The following SCN3B variants were observed in gnomAD, a reference collection of about 807,000 sequenced individuals.
SCN3B encodes the protein sodium voltage-gated channel beta subunit 3.
In SCN3B, 11 loss-of-function variants were observed where a neutral mutation model predicts 25.4. That is an observed-to-expected ratio of 0.43 (90% CI 0.27 to 0.72). The LOEUF (loss-of-function observed/expected upper bound fraction) is 0.72, where lower values mean the gene tolerates loss of function less well. Ranked by LOEUF, SCN3B falls within the 30% of genes least tolerant of loss-of-function variation. The pLI is 0.18. For missense variants in SCN3B, 218 were observed against 278.3 expected, an observed-to-expected ratio of 0.78 and a Z score of 1.54; for synonymous variants, 109 against 110.7, an observed-to-expected ratio of 0.99 and a Z score of 0.09.
At chr11:123,648,187 A>G (rs896429633) in intron 2 of SCN3B, among the ~76,000 whole-genome samples, 7 of 152,206 alleles carry the variant, frequency 4.6e-5, no homozygotes, top group Admixed American at 4.6e-4. Context: ...CATGTTGACA[A>G]ACTCAGAAGT....
Position 123,642,689 on chromosome 11 carries a change from GA to G in SCN3B, c.220-19del. On this transcript the variant is annotated intron_variant, in intron 3 of 6. Coordinates refer to ENST00000299333, the MANE Select transcript of SCN3B (RefSeq NM_001040151.2). This position sits in a 1 kb window ranked among gnomAD's most constrained non-coding sequence, Gnocchi z 4.3. Reference sequence around the variant, plus strand: ...TCGTAAATCTGCAGATAGAGGAGCAGAAGAGGGTAGGGCCAGGAAAGGAGAT... The same window carrying G: ...TCGTAAATCTGCAGATAGAGGAGCAGAGAGGGTAGGGCCAGGAAAGGAGAT... The G allele has an allele frequency of 6.2e-7, 1 of 1,600,536 alleles. No homozygotes were observed. Among genetic ancestry groups the G allele is most frequent in the Non-Finnish European group, 8.6e-7 (1 of 1,168,578 alleles).
At chr11:123,652,930 C>T (rs3851097) in intron 2 of SCN3B, among the ~76,000 whole-genome samples, 24,464 of 152,168 alleles carry the variant, frequency 0.16, 2,045 homozygotes, top group Admixed American at 0.22. Context: ...ATAGATCAAT[C>T]CCCTTTACAC....
At chr11:123,647,191 C>T (rs996522762) in intron 2 of SCN3B, among the ~76,000 whole-genome samples, 3 of 152,030 alleles carry the variant, frequency 2.0e-5, no homozygotes, top group Non-Finnish European at 4.4e-5. Flanking sequence ...GAAAGTAAGA[C>T]GAGGCCAGGT....
Position 123,638,205 on chromosome 11 carries a change from C to T in SCN3B, c.565G>A (p.Glu189Lys). The change falls in exon 5 of 7, where the codon GAG becomes AAG. Residue 189 changes from glutamate (E) to lysine (K), a missense_variant. Coordinates refer to ENST00000299333, the MANE Select transcript of SCN3B (RefSeq NM_001040151.2). ...ACTTACGCGTTTTCTTGGGCTGCCT[C>T]TTCGGCTTTTGAGACCTTTCTGTAG... ...YCYRKVSKAEEAAQENASDYL... is the reference protein window; with the variant it reads ...YCYRKVSKAEKAAQENASDYL... 6.2e-7 allele frequency: 1 copy of T among 1,614,136 alleles called. No homozygotes were observed. The highest frequency in any genetic ancestry group is 1.6e-4 in the Middle Eastern group (1 of 6,062).
At chr11:123,637,100 T>C (rs758473239) in intron 5 of SCN3B, among the ~76,000 whole-genome samples, 2 of 152,214 alleles carry the variant, frequency 1.3e-5, no homozygotes, top group Non-Finnish European at 2.9e-5. Context: ...TATCTTTCCT[T>C]TCCCCAGACA....
At chr11:123,636,923 A>G (rs1452171183) in intron 5 of SCN3B, among the ~76,000 whole-genome samples, 1 of 152,038 alleles carries the variant, frequency 6.6e-6, no homozygotes, top group African/African-American at 2.4e-5. Flanking sequence ...CGATCTCCTG[A>G]CCTCATGATC....
chr11:123,630,626 T>C lies in SCN3B; in HGVS notation c.*3173A>G, dbSNP rs1225807195. On this transcript the variant is annotated 3_prime_UTR_variant, in exon 7 of 7. Transcript: ENST00000299333. ...GTAGGCTGGTGATCACAGTACCTTA[T>C]TGATTTACAGTCATTATCAAATCTC... The C allele has an allele frequency of 6.6e-6, 1 of 152,494 alleles. No homozygotes were observed. The highest frequency in any genetic ancestry group is 2.4e-5 in the African/African-American group (1 of 41,444). The allele number at this position is 152,494 out of a possible 1,614,324, so 9.4% of individuals were successfully genotyped here. A position where few individuals can be genotyped will look rare whatever the true frequency, so the allele number is the denominator to read the frequency against.
intron 5 of SCN3B, among the ~76,000 whole-genome samples, chr11:123,635,611 G>C (rs998592519): frequency 2.6e-5 from 4 of 151,956 alleles, no homozygotes; most frequent in African/African-American, 9.7e-5. Context: ...GCGTGAACCT[G>C]GGAGGCAGAG....
intron 3 of SCN3B, among the ~76,000 whole-genome samples, chr11:123,644,800 A>AGAGAGAGAGAGAGAATATAT (rs1272015067): frequency 2.2e-5 from 1 of 45,582 alleles, no homozygotes; most frequent in African/African-American, 7.8e-5. Context: ...AGAGAGAGAG[A>AGAGAGAGAGAGAGAATATAT]ATATATATAT....
chr11:123,631,384 C>T lies in SCN3B; in HGVS notation c.*2415G>A, dbSNP rs1361224425. 1 of 152,166 alleles carries T rather than the reference C, an allele frequency of 6.6e-6. No homozygotes were observed. Among genetic ancestry groups the T allele is most frequent in the Non-Finnish European group, 1.5e-5 (1 of 68,034 alleles). 9.4% of individuals were successfully genotyped at this position (152,166 alleles called of 1,614,324 possible). A position where few individuals can be genotyped will look rare whatever the true frequency, so the allele number is the denominator to read the frequency against. On this transcript the variant is annotated 3_prime_UTR_variant, in exon 7 of 7. Transcript: ENST00000299333. ...GCTATGGGACTGGAAAAATTTCACACTGAGGCCAATTTTTCTAACTATAAA... is the reference window on the plus strand; with the variant it reads ...GCTATGGGACTGGAAAAATTTCACATTGAGGCCAATTTTTCTAACTATAAA...
chr11:123,638,085 G>A lies in SCN3B; in HGVS notation c.584+101C>T. On this transcript the variant is annotated intron_variant, in intron 5 of 6. Transcript: ENST00000299333. ...CTATCTCTTAAGCAGTGATCATGAA[G>A]AGGGTGGAGGATGAATGTAAACTGC... 3.0e-6 allele frequency: 4 copies of A among 1,347,828 alleles called. No homozygotes were observed. The South Asian group carries it at 3.7e-5, about 12-fold the overall frequency. 83.5% of individuals were successfully genotyped at this position (1,347,828 alleles called of 1,614,324 possible). A position where few individuals can be genotyped will look rare whatever the true frequency, so the allele number is the denominator to read the frequency against.
At chr11:123,643,055 G>C (rs566542196) in intron 3 of SCN3B, among the ~76,000 whole-genome samples, 2 of 152,324 alleles carry the variant, frequency 1.3e-5, no homozygotes, top group South Asian at 4.1e-4. Context: ...ATTGTAAAAA[G>C]ATAGAGAGAA....
At chr11:123,653,399 T>C (rs942508538) in intron 2 of SCN3B, among the ~76,000 whole-genome samples, 3 of 151,700 alleles carry the variant, frequency 2.0e-5, no homozygotes, top group African/African-American at 7.3e-5. Context: ...GACTCCTTGA[T>C]GAGAAATAAA....
intron 3 of SCN3B, among the ~76,000 whole-genome samples, chr11:123,644,011 C>A (rs1366788921): frequency 1.3e-5 from 2 of 152,228 alleles, no homozygotes; most frequent in South Asian, 2.1e-4. Context: ...GCAAGCTAAA[C>A]CCAGTTTCGC....
rs1382267873 is a variant in SCN3B at position 123,633,293 on chromosome 11, G to A, written c.*506C>T. ...CTGATGCTGTAGCAAAGTGGGCCAT[G>A]AACCTGACAAAACTGACTTCAGGGA... On this transcript the variant is annotated 3_prime_UTR_variant, in exon 7 of 7. Transcript: ENST00000299333. 4 of 152,270 alleles carry A rather than the reference G, an allele frequency of 2.6e-5. No individual in the cohort carries two copies. Among genetic ancestry groups the A allele is most frequent in the African/African-American group, 9.7e-5 (4 of 41,442 alleles). The allele number at this position is 152,270 out of a possible 1,614,324, so 9.4% of individuals were successfully genotyped here. A position where few individuals can be genotyped will look rare whatever the true frequency, so the allele number is the denominator to read the frequency against.
rs72552168 is a variant in SCN3B, at chr11:123,642,877, C to T, written c.220-206G>A. ...GGAAGGGAGCAAAGACAGGGAAGGA[C>T]AGGCAGAGGCAGCAGGCATCAGGGC... On this transcript the variant is annotated intron_variant, in intron 3 of 6. Coordinates refer to ENST00000299333, the MANE Select transcript of SCN3B (RefSeq NM_001040151.2). This position sits in a 1 kb window ranked among gnomAD's most constrained non-coding sequence, Gnocchi z 4.3. Among the ~76,000 whole-genome samples the T allele has an allele frequency of 3.3e-3, 500 of 151,852 alleles. 9 individuals carry two copies. The highest frequency in any genetic ancestry group is 8.9e-3 in the Admixed American group (135 of 15,240).
chr11:123,652,983 C>T (rs939340957), intron 2 of SCN3B, among the ~76,000 whole-genome samples: 2 of 152,234 alleles, frequency 1.3e-5, no homozygotes, highest in Non-Finnish European at 2.9e-5. Flanking sequence ...TCTCTTCAGC[C>T]TTTACTGTTC....
chr11:123,634,009 A>G, intron 6 of SCN3B, 112 bp downstream of exon 6: 1 of 802,454 alleles, frequency 1.2e-6, no homozygotes, highest in East Asian at 2.7e-5. Flanking sequence ...CAGGCAGGGT[A>G]GACAGTGACC....
At chr11:123,636,101 T>C (rs2137233246) in intron 5 of SCN3B, among the ~76,000 whole-genome samples, 1 of 152,376 alleles carries the variant, frequency 6.6e-6, no homozygotes, top group East Asian at 1.9e-4. Context: ...AGTAAAGGTT[T>C]CTAACTTTTT....
Sources: allele counts gnomAD v4.1 joint callset (sites outside exome capture counted in the v4.1 genomes callset), GRCh38; gene constraint gnomAD v4.1.1; non-coding constraint Gnocchi (gnomAD v3.1); transcripts MANE v1.5; gene names NCBI Gene and HGNC (gene_info 2026-07-23, HGNC 2026-07-21).